The following NME1 variants were observed in gnomAD, a reference collection of about 807,000 sequenced individuals.
NME1 encodes the protein NME/NM23 nucleoside diphosphate kinase 1, also known as nucleoside diphosphate kinase A.
In NME1, 9 loss-of-function variants were observed where a neutral mutation model predicts 17.2. The observed-to-expected ratio is 0.52, with a 90% CI of 0.32 to 0.92. The LOEUF is 0.92. Among genes scored for constraint, NME1 ranks in the 40% least tolerant of loss-of-function variants. The pLI is 0.04. For synonymous variants in NME1, 72 were observed against 70.8 expected, an observed-to-expected ratio of 1.02 and a Z score of -0.09; for missense variants, 169 against 201.7, an observed-to-expected ratio of 0.84 and a Z score of 0.98.
chr17:51,156,909 A>AT (rs2049795104), intron 2 of NME1, among the ~76,000 whole-genome samples: 1 of 151,260 alleles, frequency 6.6e-6, no homozygotes, highest in African/African-American at 2.4e-5. Flanking sequence ...AAAAAAAAAA[A>AT]AGAATTGCTT....
chr17:51,161,625 A>G lies in NME1; in HGVS notation c.342-103A>G, dbSNP rs746788747. Reference sequence around the variant, plus strand: ...TTTCTTTTAACATGGTCTAATGTCCATGGAGCTTCAGCTTTTATGCTGCTG... The same window carrying G: ...TTTCTTTTAACATGGTCTAATGTCCGTGGAGCTTCAGCTTTTATGCTGCTG... On this transcript the variant is annotated intron_variant, in intron 4 of 4. Coordinates refer to ENST00000393196, the MANE Select transcript of NME1 (RefSeq NM_000269.3). 7.7e-6 allele frequency: 7 copies of G among 914,684 alleles called. No individual in the cohort carries two copies. In the Admixed American group the frequency reaches 1.0e-4, roughly 13 times the overall value. The allele number at this position is 914,684 out of a possible 1,614,324, so 56.7% of individuals were successfully genotyped here.
chr17:51,154,435 G>A (rs756087317), intron 1 of NME1: 4 of 1,614,056 alleles, frequency 2.5e-6, no homozygotes, highest in Non-Finnish European at 3.4e-6. Flanking sequence ...ATCTCAAGCT[G>A]TGATACAGGG....
At chr17:51,154,382 A>G in intron 1 of NME1, 1 of 1,614,020 alleles carries the variant, frequency 6.2e-7, no homozygotes, top group South Asian at 1.1e-5. Context: ...AGATGGTGCT[A>G]CTGTCTACTT....
At chr17:51,159,856 A>T in intron 2 of NME1, 124 bp from the exon 3 acceptor site, 3 of 1,089,082 alleles carry the variant, frequency 2.8e-6, no homozygotes, top group East Asian at 2.4e-5. Flanking sequence ...GAATTGGGTT[A>T]TAACAGAATC....
At chr17:51,157,025 A>G (rs1407810175) in intron 2 of NME1, among the ~76,000 whole-genome samples, 2 of 151,928 alleles carry the variant, frequency 1.3e-5, no homozygotes, top group African/African-American at 4.8e-5. Context: ...AAGAATTCCA[A>G]TTCTCAAATC....
intron 4 of NME1, 78 bp from the exon 5 acceptor site, chr17:51,161,650 G>C: frequency 9.6e-7 from 1 of 1,043,004 alleles, no homozygotes; most frequent in Non-Finnish European, 1.5e-6. Context: ...TTATGCTGCT[G>C]TGGCTGTAGA....
chr17:51,155,077 TA>T (rs941403251), intron 1 of NME1, among the ~76,000 whole-genome samples: 2 of 126,740 alleles, frequency 1.6e-5, no homozygotes, highest in African/African-American at 6.0e-5. Context: ...CCATCTCTAG[TA>T]AAAAAAAATA....
chr17:51,155,860 T>G, intron 2 of NME1, 80 bp downstream of exon 2: 4 of 1,596,104 alleles, frequency 2.5e-6, no homozygotes, highest in Non-Finnish European at 3.4e-6. Flanking sequence ...CTCCCCGTCT[T>G]TCTTATTTAA....
intron 2 of NME1, among the ~76,000 whole-genome samples, chr17:51,157,260 G>T (rs1051547693): frequency 1.3e-5 from 2 of 152,152 alleles, no homozygotes; most frequent in African/African-American, 4.8e-5. Flanking sequence ...AAAGAGGGTA[G>T]ACTGATGTTC....
chr17:51,161,270 C>A lies in NME1; in HGVS notation c.339C>A (p.Gly113=). 6.2e-7 allele frequency: 1 copy of A among 1,605,304 alleles called. No homozygotes were observed. The highest frequency in any genetic ancestry group is 1.7e-5 in the Admixed American group (1 of 58,480). Residue 113 remains glycine (G), a splice_region_variant and synonymous_variant, in exon 4 of 5, where the codon GGC becomes GGA. Transcript: ENST00000393196. The part of the protein sequence containing the change: ...TIRGDFCIQV[G]RNIIHGSDSV... ...GTGGAGACTTCTGCATACAAGTTGGCAGGTGAGATTTTGGTATTTTTCCCC... is the reference window on the plus strand; with the variant it reads ...GTGGAGACTTCTGCATACAAGTTGGAAGGTGAGATTTTGGTATTTTTCCCC...
At chr17:51,160,927 G>T (rs117212215) in intron 3 of NME1, among the ~76,000 whole-genome samples, 2,906 of 152,192 alleles carry the variant, frequency 0.019, 46 homozygotes, top group Non-Finnish European at 0.032. Flanking sequence ...GGCATTTTAA[G>T]GAGGCTGCTC....
At position 51,154,303 on chromosome 17, in the gene NME1, G is replaced by C. The variant is rs113636270; in HGVS notation, c.-5+641G>C. 9.5e-4 allele frequency: 1,377 copies of C among 1,454,860 alleles called. 14 individuals are homozygous for C. In the African/African-American group the frequency reaches 0.017, roughly 18 times the overall value. 90.1% of individuals were successfully genotyped at this position (1,454,860 alleles called of 1,614,324 possible). ...TGCAGGGGAGGCAGACACACAAACA[G>C]AAAATTGGACTACAGTGCTAAGATG... On this transcript the variant is annotated intron_variant, in intron 1 of 4. Transcript: ENST00000393196.
chr17:51,154,159 C>CTTTT, intron 1 of NME1: 4 of 457,600 alleles, frequency 8.7e-6, no homozygotes, highest in Non-Finnish European at 8.0e-6. Flanking sequence ...GTCTCTCTCT[C>CTTTT]TTTTTTTTTT....
intron 1 of NME1, chr17:51,154,076 G>A (rs1271925689): frequency 4.6e-6 from 2 of 432,484 alleles, no homozygotes; most frequent in East Asian, 8.7e-5. Context: ...TGGCGCTTTA[G>A]TCCTGTTTTC....
chr17:51,159,413 A>G (rs2049832493), intron 2 of NME1, among the ~76,000 whole-genome samples: 1 of 152,120 alleles, frequency 6.6e-6, no homozygotes. Context: ...CCTGGCCAAC[A>G]TGGCGAAACC....
intron 1 of NME1, chr17:51,154,519 A>T (rs1330077659): frequency 8.0e-7 from 1 of 1,248,018 alleles, no homozygotes. Flanking sequence ...TCCTTTCAGT[A>T]TGATGTCCCG....
Position 51,161,200 on chromosome 17 carries a change from T to C in NME1, c.269T>C (p.Met90Thr). ...AATGTGGTGAAGACGGGCCGAGTCA[T>C]GCTCGGGGAGACCAACCCTGCAGAC... Reference protein sequence around the residue: ...GLNVVKTGRVMLGETNPADSK... With the variant: ...GLNVVKTGRVTLGETNPADSK... The change falls in exon 4 of 5, where the codon ATG (methionine) becomes ACG (threonine). Residue 90 changes from methionine (M) to threonine (T), a missense_variant. By Grantham distance (81) the Met-to-Thr change is moderately conservative (BLOSUM62 -1). Transcript: ENST00000393196. The C allele has an allele frequency of 6.2e-7, 1 of 1,613,032 alleles. No homozygotes were observed. The highest frequency in any genetic ancestry group is 8.5e-7 in the Non-Finnish European group (1 of 1,179,608).
intron 1 of NME1, among the ~76,000 whole-genome samples, chr17:51,155,241 C>CAA (rs35964095): frequency 0.041 from 4,163 of 100,398 alleles, 238 homozygotes; most frequent in African/African-American, 0.13. Flanking sequence ...GACTCCATAC[C>CAA]AAAAAAAAAA....
In NME1 at chr17:51,155,783, A is replaced by G; in HGVS notation, c.126+3A>G. On this transcript the variant is annotated splice_donor_region_variant and intron_variant, in intron 2 of 4. Coordinates refer to ENST00000393196, the MANE Select transcript of NME1 (RefSeq NM_000269.3). ...TTGTTGGTCTGAAATTCATGCAAGTAAGTGGACTTCATTGTTCCCATTTTG... is the reference window on the plus strand; with the variant it reads ...TTGTTGGTCTGAAATTCATGCAAGTGAGTGGACTTCATTGTTCCCATTTTG... 1 of 1,613,504 alleles carries G rather than the reference A, an allele frequency of 6.2e-7. No individual in the cohort carries two copies.
Sources: gnomAD v4.1 joint callset for allele counts (sites outside exome capture counted in the v4.1 genomes callset) on GRCh38, gnomAD v4.1.1 for gene constraint, MANE v1.5 for transcripts, NCBI Gene and HGNC (gene_info 2026-07-23, HGNC 2026-07-21) for gene names.